The following CD80 variants were observed in gnomAD, a reference collection of about 807,000 sequenced individuals.
The protein encoded by CD80 is T-lymphocyte activation antigen CD80.
CD80 carries 13 observed loss-of-function variants against 27.1 expected under a neutral mutation model. The observed-to-expected ratio is 0.48, with a 90% CI of 0.31 to 0.76. CD80 has a LOEUF of 0.76. Ranked by LOEUF, CD80 falls within the 30% of genes least tolerant of loss-of-function variation. The pLI is 0.04. For synonymous variants in CD80, 125 were observed against 125.5 expected, an observed-to-expected ratio of 1.00 and a Z score of 0.03; for missense variants, 277 against 347.9, an observed-to-expected ratio of 0.80 and a Z score of 1.62.
chr3:119,527,431 A>G (rs2082073236), intron 6 of CD80: 1 of 277,680 alleles, frequency 3.6e-6, no homozygotes, highest in African/African-American at 2.2e-5. Context: ...AATGATCAGA[A>G]TAAGAAGTTA....
At chr3:119,558,322 A>T (rs2082274984) in intron 1 of CD80, among the ~76,000 whole-genome samples, 1 of 152,224 alleles carries the variant, frequency 6.6e-6, no homozygotes, top group African/African-American at 2.4e-5. Context: ...TTCTTGACAT[A>T]TTAACATAAG....
At chr3:119,537,594 G>A (rs532414477) in intron 3 of CD80, among the ~76,000 whole-genome samples, 176 bp from the exon 4 acceptor site, 1 of 152,156 alleles carries the variant, frequency 6.6e-6, no homozygotes, top group Admixed American at 6.6e-5. Context: ...CTGAGGTCAG[G>A]AGTTTGAGAC....
Position 119,537,126 on chromosome 3 carries a change from A to G in CD80, c.700+11T>C. 1 of 1,607,804 alleles carries G rather than the reference A, an allele frequency of 6.2e-7. No individual in the cohort carries two copies. The highest frequency in any genetic ancestry group is 1.7e-5 in the Admixed American group (1 of 59,910). On this transcript the variant is annotated intron_variant, in intron 4 of 6. Transcript: ENST00000264246. ...GATATAGTAGAAACTCCCCAGAACA[A>G]TGTCACTTACTTGTATTCCAGTTGA... is the stretch of plus-strand genomic sequence containing the variant.
intron 2 of CD80, among the ~76,000 whole-genome samples, chr3:119,547,705 G>C (rs945046183): frequency 3.9e-5 from 6 of 152,142 alleles, no homozygotes; most frequent in African/African-American, 1.4e-4. Context: ...GAGTAGAACC[G>C]GGTTGTCACT....
At chr3:119,534,469 A>G (rs578225054) in intron 4 of CD80, among the ~76,000 whole-genome samples, 5 of 152,258 alleles carry the variant, frequency 3.3e-5, no homozygotes, top group African/African-American at 1.2e-4. Flanking sequence ...CTTTTGTGCT[A>G]CAACCAGCAG....
chr3:119,526,650 T>A (rs533570624), intron 6 of CD80, among the ~76,000 whole-genome samples: 2 of 152,322 alleles, frequency 1.3e-5, no homozygotes, highest in East Asian at 3.9e-4. Flanking sequence ...TTCTCTCCCA[T>A]AACATGGAAA....
intron 6 of CD80, among the ~76,000 whole-genome samples, chr3:119,526,113 G>A (rs1428410172): frequency 2.0e-5 from 3 of 152,146 alleles, no homozygotes; most frequent in Non-Finnish European, 2.9e-5. Flanking sequence ...ATTACCAAAC[G>A]ACCAAATGCT....
At chr3:119,557,344 AT>A (rs2082270078) in intron 2 of CD80, among the ~76,000 whole-genome samples, 1 of 152,216 alleles carries the variant, frequency 6.6e-6, no homozygotes, top group Non-Finnish European at 1.5e-5. Flanking sequence ...GGAAGAGACC[AT>A]TATGAATCGG....
At chr3:119,551,315 T>C (rs2082229898) in intron 2 of CD80, among the ~76,000 whole-genome samples, 1 of 152,192 alleles carries the variant, frequency 6.6e-6, no homozygotes, top group African/African-American at 2.4e-5. Flanking sequence ...ATGTGTCCCC[T>C]AAAGGTTTTG....
In CD80 at chr3:119,525,151, TGA is replaced by T. The variant is rs761642995; in HGVS notation, c.*635_*636del. 4.0e-5 allele frequency: 6 copies of T among 151,878 alleles called. No homozygotes were observed. Among genetic ancestry groups the T allele is most frequent in the Non-Finnish European group, 7.4e-5 (5 of 67,992 alleles). 9.4% of individuals were successfully genotyped at this position (151,878 alleles called of 1,614,324 possible). ...CTTTCTGCTGTACCTCATGGGGGAGTGAGAGAGCAGCAATAGAGAACACAATG... is the reference window on the plus strand; with the variant it reads ...CTTTCTGCTGTACCTCATGGGGGAGTGAGAGCAGCAATAGAGAACACAATG... On this transcript the variant is annotated 3_prime_UTR_variant, in exon 7 of 7. Coordinates refer to ENST00000264246, the MANE Select transcript of CD80 (RefSeq NM_005191.4).
chr3:119,559,184 A>G (rs78325985), intron 1 of CD80, among the ~76,000 whole-genome samples: 3,142 of 152,302 alleles, frequency 0.021, 128 homozygotes, highest in African/African-American at 0.071. Flanking sequence ...GAGAAATTCA[A>G]ATACGGCCCA....
chr3:119,537,471 T>C (rs924359717), intron 3 of CD80, 53 bp from the exon 4 acceptor site: 2 of 1,207,150 alleles, frequency 1.7e-6, no homozygotes, highest in East Asian at 2.4e-5. Flanking sequence ...CCTATGTGTG[T>C]AGAGGTTTAT....
Position 119,557,813 on chromosome 3 carries a change from A to G in CD80, c.-85T>C. 2.5e-6 allele frequency: 2 copies of G among 800,844 alleles called. No homozygotes were observed. Among genetic ancestry groups the G allele is most frequent in the East Asian group, 5.5e-5 (2 of 36,242 alleles). The allele number at this position is 800,844 out of a possible 1,614,324, so 49.6% of individuals were successfully genotyped here. A position where few individuals can be genotyped will look rare whatever the true frequency, so the allele number is the denominator to read the frequency against. ...GGCACTTCCCAGGTGCAAAACAGGC[A>G]GGGCTGATGACAATCCAATTGCTCA... On this transcript the variant is annotated 5_prime_UTR_variant, in exon 2 of 7. Transcript: ENST00000264246.
At chr3:119,549,018 C>A (rs1012391658) in intron 2 of CD80, among the ~76,000 whole-genome samples, 4 of 152,002 alleles carry the variant, frequency 2.6e-5, no homozygotes, top group African/African-American at 9.7e-5. Context: ...GCTTGGGTGA[C>A]AGAGTGAGAC....
At position 119,537,156 on chromosome 3, in the gene CD80, C is replaced by G. The variant is rs1301170000; in HGVS notation, c.681G>C (p.Gln227His). 2 of 1,613,460 alleles carry G rather than the reference C, an allele frequency of 1.2e-6. No homozygotes were observed. The highest frequency in any genetic ancestry group is 3.3e-5 in the Admixed American group (2 of 60,016). ...ACTTACTTGTATTCCAGTTGAAGGT[C>G]TGATTCACTCTTAAATGTCCATACT... Reference protein sequence around the residue: ...LIKYGHLRVNQTFNWNTTKQE... With the variant: ...LIKYGHLRVNHTFNWNTTKQE... The change falls in exon 4 of 7, where the codon CAG becomes CAC. Residue 227 changes from glutamine (Q) to histidine (H), a missense_variant. Coordinates refer to ENST00000264246, the MANE Select transcript of CD80 (RefSeq NM_005191.4).
At chr3:119,555,736 C>G (rs530373178) in intron 2 of CD80, among the ~76,000 whole-genome samples, 2 of 152,244 alleles carry the variant, frequency 1.3e-5, no homozygotes, top group Admixed American at 6.5e-5. Flanking sequence ...ATTACTTTTC[C>G]TCTTTCCAAT....
At position 119,524,638 on chromosome 3, in the gene CD80, GTCT is replaced by G. The variant is rs1465197610; in HGVS notation, c.*1147_*1149del. The G allele has an allele frequency of 4.6e-5, 7 of 152,182 alleles. No homozygotes were observed. The highest frequency in any genetic ancestry group is 1.2e-4 in the African/African-American group (5 of 41,432). The allele number at this position is 152,182 out of a possible 1,614,324, so 9.4% of individuals were successfully genotyped here. On this transcript the variant is annotated 3_prime_UTR_variant, in exon 7 of 7. Coordinates refer to ENST00000264246, the MANE Select transcript of CD80 (RefSeq NM_005191.4). The stretch of plus-strand genomic sequence containing the variant: ...ATGAGATGTGCATTTGAGAAATGTT[GTCT>G]TCTTTTGCTGTTCAACTCCAGATTT...
chr3:119,529,771 G>A (rs2107739492), intron 5 of CD80, 71 bp downstream of exon 5: 1 of 1,052,224 alleles, frequency 9.5e-7, no homozygotes, highest in East Asian at 2.4e-5. Flanking sequence ...ACCTCAGAGA[G>A]ATGCCGAACC....
intron 4 of CD80, among the ~76,000 whole-genome samples, chr3:119,530,430 T>A (rs2082103431): frequency 6.6e-6 from 1 of 152,148 alleles, no homozygotes; most frequent in Non-Finnish European, 1.5e-5. Context: ...CACTTTGCAT[T>A]CACTTTCGGA....
Sources: allele counts gnomAD v4.1 joint callset (sites outside exome capture counted in the v4.1 genomes callset), GRCh38; gene constraint gnomAD v4.1.1; transcripts MANE v1.5; gene names NCBI Gene and HGNC (gene_info 2026-07-23, HGNC 2026-07-21).